GGA2: variants seen among roughly 807,000 people sequenced by gnomAD.
The protein encoded by GGA2 is golgi associated, gamma adaptin ear containing, ARF binding protein 2, also known as ADP-ribosylation factor-binding protein GGA2.
Under a neutral mutation model 79.5 loss-of-function variants are expected in GGA2, and 48 were observed. The observed-to-expected ratio is 0.60, with a 90% CI of 0.48 to 0.77. GGA2 has a LOEUF of 0.77. Among genes scored for constraint, GGA2 ranks in the 30% least tolerant of loss-of-function variants. GGA2 has a pLI of 0.00. For missense variants in GGA2, 770 were observed against 774.0 expected (o/e 0.99, Z 0.06); for synonymous variants, 317 against 302.0 (o/e 1.05, Z -0.51).
At position 23,486,587 on chromosome 16, in the gene GGA2, G is replaced by T. The variant is rs540628281; in HGVS notation, c.660+123C>A. ...ACTATGGCTGTTCCCCAGAGTTCAGGGCTAGGAGCCACTCTTTCTCCCAGG... is the reference window on the plus strand; with the variant it reads ...ACTATGGCTGTTCCCCAGAGTTCAGTGCTAGGAGCCACTCTTTCTCCCAGG... On this transcript the variant is annotated intron_variant, in intron 7 of 16. Transcript: ENST00000309859. 127 of 749,876 alleles carry T rather than the reference G, an allele frequency of 1.7e-4. 2 individuals carry two copies. Among genetic ancestry groups the T allele is most frequent in the South Asian group, 1.1e-3 (74 of 67,776 alleles). 46.5% of individuals were successfully genotyped at this position (749,876 alleles called of 1,614,324 possible).
upstream of GGA2, chr16:23,522,122 G>T: frequency 3.9e-6 from 1 of 255,908 alleles, no homozygotes; most frequent in Non-Finnish European, 8.0e-6. Context: ...TAAATTACAA[G>T]TATTATTATT....
At chr16:23,500,992 G>A (rs545787230) in intron 1 of GGA2, 188 of 326,020 alleles carry the variant, frequency 5.8e-4, no homozygotes, top group Non-Finnish European at 8.1e-4. Context: ...AGAACAGTCA[G>A]CCAGCCTGAT....
chr16:23,477,661 C>T (rs932811299), intron 13 of GGA2, among the ~76,000 whole-genome samples: 6 of 152,078 alleles, frequency 3.9e-5, no homozygotes, highest in South Asian at 4.1e-4. Context: ...GCAAAAGAAT[C>T]GCTTGAACCT....
Position 23,463,823 on chromosome 16 carries a change from T to C in GGA2, c.*3767A>G, listed in dbSNP as rs1964402295. On this transcript the variant is annotated 3_prime_UTR_variant, in exon 17 of 17. Coordinates refer to ENST00000309859, the MANE Select transcript of GGA2 (RefSeq NM_015044.4). The stretch of plus-strand genomic sequence containing the variant: ...CTTTACGAAAAACTGCAACATTAGC[T>C]GGGCGTGGCAGCATGCACCTGTAGT... 6.6e-6 allele frequency: 1 copy of C among 152,190 alleles called. No individual in the cohort carries two copies. Among genetic ancestry groups the C allele is most frequent in the South Asian group, 2.1e-4 (1 of 4,838 alleles). 9.4% of individuals were successfully genotyped at this position (152,190 alleles called of 1,614,324 possible). A position where few individuals can be genotyped will look rare whatever the true frequency, so the allele number is the denominator to read the frequency against.
chr16:23,474,866 GAAA>G (rs530417746), intron 14 of GGA2, 35 bp downstream of exon 14: 18 of 1,349,542 alleles, frequency 1.3e-5, no homozygotes, highest in East Asian at 7.9e-5. Context: ...GATTCCCAGG[GAAA>G]AAAAAAAAAA....
Position 23,467,671 on chromosome 16 carries a change from T to A in GGA2, c.1761A>T (p.Thr587=). ...KEPIRLRYKL[T]FNQGGQPFSE... ...TGAAAGGCTGTCCACCTTGGTTGAA[T>A]GTCAGCTTGTACCGTAAGCGGATAG... The change falls in exon 17 of 17, where the codon ACA becomes ACT. Residue 587 remains threonine (T), a synonymous_variant. Coordinates refer to ENST00000309859, the MANE Select transcript of GGA2 (RefSeq NM_015044.4). 2 of 1,603,948 alleles carry A rather than the reference T, an allele frequency of 1.2e-6. No individual in the cohort carries two copies. Among genetic ancestry groups the A allele is most frequent in the Non-Finnish European group, 1.7e-6 (2 of 1,170,766 alleles).
intron 1 of GGA2, among the ~76,000 whole-genome samples, chr16:23,521,313 C>G (rs1965140243): frequency 1.3e-5 from 2 of 152,092 alleles, no homozygotes; most frequent in Non-Finnish European, 2.9e-5. Context: ...CAACCACCAT[C>G]TTATTTTCTG....
chr16:23,506,926 G>T (rs1245465216), intron 1 of GGA2, among the ~76,000 whole-genome samples: 1 of 152,088 alleles, frequency 6.6e-6, no homozygotes, highest in Admixed American at 6.6e-5. Context: ...AGCTCCTTCA[G>T]CACCTTCAGG....
rs549394326 is a variant in GGA2, at chr16:23,489,875, G to A, written c.476-1166C>T. Reference sequence around the variant, plus strand: ...CACTGCAGCTAGAGAAAAAACAGGGGAGAAAAAACAAAAACAAACCCTAGT... The same window carrying A: ...CACTGCAGCTAGAGAAAAAACAGGGAAGAAAAAACAAAAACAAACCCTAGT... On this transcript the variant is annotated intron_variant, in intron 5 of 16. Transcript: ENST00000309859. Among the ~76,000 whole-genome samples the A allele has an allele frequency of 3.3e-5, 5 of 151,992 alleles. No individual in the cohort carries two copies. The East Asian group carries it at 9.7e-4, about 29-fold the overall frequency.
intron 8 of GGA2, among the ~76,000 whole-genome samples, chr16:23,483,983 A>G (rs932772695): frequency 3.4e-5 from 5 of 148,926 alleles, no homozygotes; most frequent in African/African-American, 1.2e-4. Context: ...CAAAAGCACC[A>G]GGAAGACATT....
At chr16:23,497,479 T>C (rs1464972131) in intron 1 of GGA2, among the ~76,000 whole-genome samples, 6 of 152,118 alleles carry the variant, frequency 3.9e-5, no homozygotes, top group South Asian at 4.1e-4. Context: ...TGTGTCTAGA[T>C]AGGGAGGGTC....
At chr16:23,478,113 C>T (rs576442074) in intron 13 of GGA2, among the ~76,000 whole-genome samples, 7 of 150,174 alleles carry the variant, frequency 4.7e-5, no homozygotes, top group Admixed American at 2.7e-4. Flanking sequence ...GCAGGAGAAT[C>T]GCTTGAACTC....
intron 8 of GGA2, among the ~76,000 whole-genome samples, chr16:23,484,637 T>C (rs1292569979): frequency 6.6e-6 from 1 of 152,112 alleles, no homozygotes; most frequent in East Asian, 1.9e-4. Context: ...AGGAAATAAA[T>C]AAGCCATCAA....
chr16:23,516,334 G>C (rs1245908890), intron 2 of GGA2, among the ~76,000 whole-genome samples: 1 of 152,010 alleles, frequency 6.6e-6, no homozygotes, highest in Non-Finnish European at 1.5e-5. Context: ...ATAATTTGGT[G>C]AGGCACTATC....
In GGA2 at chr16:23,466,178, T is replaced by G. The variant is rs1261249113; in HGVS notation, c.*1412A>C. The stretch of plus-strand genomic sequence containing the variant: ...ATCAGACTGTAAAAATATCAGATAT[T>G]GTAATTAAGAGCTCCAAACAAGTCT... On this transcript the variant is annotated 3_prime_UTR_variant, in exon 17 of 17. Transcript: ENST00000309859. 2 of 152,120 alleles carry G rather than the reference T, an allele frequency of 1.3e-5. No individual in the cohort carries two copies. Among genetic ancestry groups the G allele is most frequent in the Non-Finnish European group, 2.9e-5 (2 of 68,038 alleles). 9.4% of individuals were successfully genotyped at this position (152,120 alleles called of 1,614,324 possible). A position where few individuals can be genotyped will look rare whatever the true frequency, so the allele number is the denominator to read the frequency against.
chr16:23,502,008 T>C (rs1964926882), intron 1 of GGA2, among the ~76,000 whole-genome samples: 1 of 152,158 alleles, frequency 6.6e-6, no homozygotes, highest in South Asian at 2.1e-4. Flanking sequence ...CAGGTGCCAG[T>C]GATGTCCACA....
chr16:23,480,490 G>T, intron 10 of GGA2, 155 bp downstream of exon 10: 1 of 626,888 alleles, frequency 1.6e-6, no homozygotes, highest in South Asian at 2.3e-5. Context: ...CTATGGCTGG[G>T]TGTGGCAACA....
rs897002318 is a variant in GGA2 at position 23,465,619 on chromosome 16, G to A, written c.*1971C>T. On this transcript the variant is annotated 3_prime_UTR_variant, in exon 17 of 17. Coordinates refer to ENST00000309859, the MANE Select transcript of GGA2 (RefSeq NM_015044.4). Reference sequence around the variant, plus strand: ...GTCATTATGATGGGTACCTCTTCAAGACTACGCAACAGTAACAGAGCCTAT... The same window carrying A: ...GTCATTATGATGGGTACCTCTTCAAAACTACGCAACAGTAACAGAGCCTAT... The A allele has an allele frequency of 1.7e-6, 1 of 581,968 alleles. No homozygotes were observed. The highest frequency in any genetic ancestry group is 3.1e-6 in the Non-Finnish European group (1 of 326,160). The allele number at this position is 581,968 out of a possible 1,614,324, so 36.1% of individuals were successfully genotyped here. A position where few individuals can be genotyped will look rare whatever the true frequency, so the allele number is the denominator to read the frequency against.
intron 1 of GGA2, among the ~76,000 whole-genome samples, chr16:23,496,578 T>C (rs1327708922): frequency 2.0e-5 from 3 of 152,134 alleles, no homozygotes; most frequent in African/African-American, 7.2e-5. Context: ...ATCCCAGCAC[T>C]TCATGGGGCT....
Sources: allele counts gnomAD v4.1 joint callset (sites outside exome capture counted in the v4.1 genomes callset), GRCh38; gene constraint gnomAD v4.1.1; transcripts MANE v1.5; gene names NCBI Gene and HGNC (gene_info 2026-07-23, HGNC 2026-07-21).